The following DCUN1D1 variants were observed in gnomAD, a reference collection of about 807,000 sequenced individuals.
DCUN1D1 encodes defective in cullin neddylation 1 domain containing 1.
A neutral mutation model predicts 39.0 loss-of-function variants in DCUN1D1; 3 were observed. The observed-to-expected ratio is 0.08, with a 90% confidence interval of 0.04 to 0.20. The LOEUF (loss-of-function observed/expected upper bound fraction) is 0.20, where lower values mean the gene tolerates loss of function less well. Among genes scored for constraint, DCUN1D1 ranks in the 10% least tolerant of loss-of-function variants. DCUN1D1 has a pLI of 1.00. For synonymous variants in DCUN1D1, 82 were observed against 96.3 expected (o/e 0.85, Z 0.87); for missense variants, 158 against 302.4 (o/e 0.52, Z 3.54).
At chr3:182,971,353 T>G (rs1365356014) in intron 1 of DCUN1D1, among the ~76,000 whole-genome samples, 1 of 151,976 alleles carries the variant, frequency 6.6e-6, no homozygotes, top group African/African-American at 2.4e-5. Flanking sequence ...ACACTTGAGC[T>G]CAGGAGTTCA....
Position 182,940,332 on chromosome 3 carries a change from C to T in DCUN1D1, c.*4762G>A, listed in dbSNP as rs976082282. 2 of 152,002 alleles carry T rather than the reference C, an allele frequency of 1.3e-5. No individual in the cohort carries two copies. Among genetic ancestry groups the T allele is most frequent in the African/African-American group, 4.8e-5 (2 of 41,378 alleles). 9.4% of individuals were successfully genotyped at this position (152,002 alleles called of 1,614,324 possible). ...TTTTAAATATAAAATGAGTATGTTCCGTTTGTTTGCTCATTAAGCCACTTA... is the reference window on the plus strand; with the variant it reads ...TTTTAAATATAAAATGAGTATGTTCTGTTTGTTTGCTCATTAAGCCACTTA... On this transcript the variant is annotated 3_prime_UTR_variant, in exon 7 of 7. Transcript: ENST00000292782.
At chr3:182,974,228 C>T (rs775385720) in intron 1 of DCUN1D1, among the ~76,000 whole-genome samples, 3 of 151,898 alleles carry the variant, frequency 2.0e-5, no homozygotes, top group Non-Finnish European at 4.4e-5. Context: ...CTCCAGCCTG[C>T]GCAACACAGA....
At chr3:182,973,294 T>G (rs1425179765) in intron 1 of DCUN1D1, among the ~76,000 whole-genome samples, 1 of 152,210 alleles carries the variant, frequency 6.6e-6, no homozygotes, top group Non-Finnish European at 1.5e-5. Flanking sequence ...GATTTCATCA[T>G]GCTAACTCAG....
intron 1 of DCUN1D1, among the ~76,000 whole-genome samples, chr3:182,978,051 A>AAAAC (rs1728331159): frequency 1.3e-5 from 2 of 151,424 alleles, no homozygotes; most frequent in African/African-American, 2.4e-5. Context: ...AAAAAAAAAA[A>AAAAC]AACAACAACA....
chr3:182,947,597 G>A lies in DCUN1D1; in HGVS notation c.556C>T (p.Leu186Phe), dbSNP rs1726480668. The change falls in exon 5 of 7, where the codon CTT (leucine) becomes TTT (phenylalanine). Residue 186 changes from leucine (L) to phenylalanine (F), a missense_variant. By Grantham distance (22) the Leu-to-Phe change is conservative (BLOSUM62 0). Around this residue, in one of 4 missense-constraint regions of DCUN1D1, gnomAD observed 107 missense variants for 174.7 expected, o/e 0.61. Transcript: ENST00000292782. ...TCTAAGAATTTAAATCTTCCATTAA[G>A]CACTAAGTTCCAGTAGGCAATGGCC... The part of the protein sequence containing the change: ...EMAIAYWNLV[L>F]NGRFKFLDLW... 2.5e-6 allele frequency: 4 copies of A among 1,590,198 alleles called. No individual in the cohort carries two copies. Among genetic ancestry groups the A allele is most frequent in the Non-Finnish European group, 3.4e-6 (4 of 1,163,986 alleles).
chr3:182,979,818 T>C (rs910205039), intron 1 of DCUN1D1, among the ~76,000 whole-genome samples: 6 of 151,924 alleles, frequency 3.9e-5, no homozygotes. Context: ...CAGTCTCCCA[T>C]GTTTTCAGTA....
rs746363788 is a variant in DCUN1D1, at chr3:182,961,385, AT to A, written c.390-30del. On this transcript the variant is annotated intron_variant, in intron 3 of 6. Coordinates refer to ENST00000292782, the MANE Select transcript of DCUN1D1 (RefSeq NM_020640.4). ...CGTCGTAAAATTAAGTTTATAAAAG[AT>A]TAACTGTTTCACTATAAATTAATAA... is the stretch of plus-strand genomic sequence containing the variant. 35 of 1,553,056 alleles carry A rather than the reference AT, an allele frequency of 2.3e-5. No homozygotes were observed. In the South Asian group the frequency reaches 4.2e-4, roughly 19 times the overall value.
intron 2 of DCUN1D1, among the ~76,000 whole-genome samples, chr3:182,964,937 C>A (rs1189140429): frequency 6.6e-6 from 1 of 152,136 alleles, no homozygotes; most frequent in South Asian, 2.1e-4. Context: ...CCACGCCCAG[C>A]CTTGCTAACA....
chr3:182,959,175 C>T (rs1329581461), intron 4 of DCUN1D1, among the ~76,000 whole-genome samples: 1 of 152,094 alleles, frequency 6.6e-6, no homozygotes, highest in Non-Finnish European at 1.5e-5. Flanking sequence ...ATTCTGCCTG[C>T]AAAATGAGGA....
chr3:182,940,283 C>T lies in DCUN1D1; in HGVS notation c.*4811G>A, dbSNP rs1726077114. On this transcript the variant is annotated 3_prime_UTR_variant, in exon 7 of 7. Coordinates refer to ENST00000292782, the MANE Select transcript of DCUN1D1 (RefSeq NM_020640.4). Reference sequence around the variant, plus strand: ...AATAAAATTATAATATTCATATGAACATGCATTTGAATATATATGTACTTT... The same window carrying T: ...AATAAAATTATAATATTCATATGAATATGCATTTGAATATATATGTACTTT... 6.6e-6 allele frequency: 1 copy of T among 152,092 alleles called. No individual in the cohort carries two copies. The highest frequency in any genetic ancestry group is 1.5e-5 in the Non-Finnish European group (1 of 68,008). 9.4% of individuals were successfully genotyped at this position (152,092 alleles called of 1,614,324 possible).
chr3:182,985,277 C>T (rs923811390), upstream of DCUN1D1, among the ~76,000 whole-genome samples: 1 of 152,172 alleles, frequency 6.6e-6, no homozygotes, highest in African/African-American at 2.4e-5. Context: ...GGCTCACCCC[C>T]CAGTGTTACT....
In DCUN1D1 at chr3:182,943,113, T is replaced by TG. The variant is rs1391899420; in HGVS notation, c.*1980dup. On this transcript the variant is annotated 3_prime_UTR_variant, in exon 7 of 7. Coordinates refer to ENST00000292782, the MANE Select transcript of DCUN1D1 (RefSeq NM_020640.4). Reference sequence around the variant, plus strand: ...GACTTTTAAAGAAAACACTTTATATTGAAAAAAAAAAAAAAAAAAAAAAGC... The same window carrying TG: ...GACTTTTAAAGAAAACACTTTATATTGGAAAAAAAAAAAAAAAAAAAAAAGC... The TG allele has an allele frequency of 8.3e-5, 9 of 108,058 alleles. No individual in the cohort carries two copies. The highest frequency in any genetic ancestry group is 1.4e-4 in the Non-Finnish European group (8 of 59,220). The allele number at this position is 108,058 out of a possible 1,614,324, so 6.7% of individuals were successfully genotyped here. A position where few individuals can be genotyped will look rare whatever the true frequency, so the allele number is the denominator to read the frequency against.
At chr3:182,947,718 G>T in intron 4 of DCUN1D1, 86 bp from the exon 5 acceptor site, 2 of 789,486 alleles carry the variant, frequency 2.5e-6, no homozygotes, top group South Asian at 3.4e-5. Flanking sequence ...AAACAGGTAT[G>T]ACCAAAGAAA....
chr3:182,983,365 C>T (rs895227958), upstream of DCUN1D1, among the ~76,000 whole-genome samples: 1 of 152,174 alleles, frequency 6.6e-6, no homozygotes, highest in African/African-American at 2.4e-5. Context: ...CCAGCTATTA[C>T]GCCCATCCTA....
chr3:182,963,110 G>A (rs1396525658), intron 3 of DCUN1D1, among the ~76,000 whole-genome samples: 1 of 152,086 alleles, frequency 6.6e-6, no homozygotes, highest in Non-Finnish European at 1.5e-5. Flanking sequence ...TTGACTGGAC[G>A]CTGACTGACT....
At chr3:182,954,146 A>G (rs1289258644) in intron 4 of DCUN1D1, among the ~76,000 whole-genome samples, 1 of 152,256 alleles carries the variant, frequency 6.6e-6, no homozygotes, top group Non-Finnish European at 1.5e-5. Flanking sequence ...CTGTTCATAC[A>G]AAGTTCAAAA....
At chr3:182,952,217 C>T (rs1726791113) in intron 4 of DCUN1D1, among the ~76,000 whole-genome samples, 1 of 152,160 alleles carries the variant, frequency 6.6e-6, no homozygotes, top group Non-Finnish European at 1.5e-5. Flanking sequence ...CTTCCTTCAG[C>T]TTCAATGATA....
intron 6 of DCUN1D1, among the ~76,000 whole-genome samples, chr3:182,945,575 G>A (rs1726353411): frequency 4.6e-5 from 7 of 151,372 alleles, no homozygotes; most frequent in Admixed American, 4.6e-4. Context: ...CCAGCCTGGG[G>A]GACAGAGCGA....
chr3:182,970,158 T>A lies in DCUN1D1; in HGVS notation c.4-4405A>T, dbSNP rs145144932. 6.6e-3 allele frequency among the ~76,000 whole-genome samples: 1,008 copies of A among 152,064 alleles called. 11 individuals are homozygous for A. Among genetic ancestry groups the A allele is most frequent in the African/African-American group, 0.023 (939 of 41,472 alleles). ...CTATAGTCCTAGCTACATGGGAGGC[T>A]GAGGTGGGAAGATGAGGATCACTTG... is the stretch of plus-strand genomic sequence containing the variant. On this transcript the variant is annotated intron_variant, in intron 1 of 6. Coordinates refer to ENST00000292782, the MANE Select transcript of DCUN1D1 (RefSeq NM_020640.4).
Sources: allele counts gnomAD v4.1 joint callset (sites outside exome capture counted in the v4.1 genomes callset), GRCh38; gene constraint gnomAD v4.1.1; regional missense constraint gnomAD v4.1.1; transcripts MANE v1.5; gene names NCBI Gene and HGNC (gene_info 2026-07-23, HGNC 2026-07-21).